Variants in TPTE observed in about 807,000 individuals in gnomAD.
The protein encoded by TPTE is putative tyrosine-protein phosphatase TPTE.
TPTE carries 59 observed loss-of-function variants against 84.1 expected under a neutral mutation model. The ratio of observed to expected loss-of-function variants is 0.70; its 90% confidence interval spans 0.57 to 0.87. The LOEUF (loss-of-function observed/expected upper bound fraction) is 0.87, where lower values mean the gene tolerates loss of function less well. Ranked by LOEUF, TPTE falls within the 40% of genes least tolerant of loss-of-function variation. The pLI, the probability that TPTE is intolerant of heterozygous loss-of-function variation, is 0.00. For missense variants in TPTE, 382 were observed against 659.6 expected, an observed-to-expected ratio of 0.58 and a Z score of 4.61; for synonymous variants, 130 against 223.5, an observed-to-expected ratio of 0.58 and a Z score of 3.73.
At chr21:10,528,981 T>TC (rs1461879539) in intron 3 of TPTE, among the ~76,000 whole-genome samples, 1 of 152,282 alleles carries the variant, frequency 6.6e-6, no homozygotes, top group Non-Finnish European at 1.5e-5. Flanking sequence ...GGTCAGGAGT[T>TC]CAAGACCAGC....
At chr21:10,521,866 G>C (rs1415719175) in intron 1 of TPTE, among the ~76,000 whole-genome samples, 172 bp downstream of exon 1, 1 of 152,280 alleles carries the variant, frequency 6.6e-6, no homozygotes, top group Non-Finnish European at 1.5e-5. Context: ...CGGAATCCGG[G>C]AGGTGTCCGC....
intron 10 of TPTE, among the ~76,000 whole-genome samples, chr21:10,565,807 C>G (rs1600912067): frequency 6.6e-6 from 1 of 152,428 alleles, no homozygotes; most frequent in South Asian, 2.1e-4. Context: ...TATACACATA[C>G]AGAAGAATGC....
At position 10,592,298 on chromosome 21, in the gene TPTE, C is replaced by A. The variant is rs557556075; in HGVS notation, c.1095C>A (p.Ser365Arg). The A allele has an allele frequency of 2.0e-5, 33 of 1,613,020 alleles. No individual in the cohort carries two copies. In the East Asian group the frequency reaches 7.4e-4, roughly 36 times the overall value. Residue 365 changes from serine (S) to arginine (R), a missense_variant, in exon 19 of 24, where the codon AGC (serine) becomes AGA (arginine). By Grantham distance (110) the Ser-to-Arg change is moderately radical. Around this residue, in one of 10 missense-constraint regions of TPTE, gnomAD observed 37 missense variants for 28.3 expected, o/e 1.31. Coordinates refer to ENST00000618007, the MANE Select transcript of TPTE (RefSeq NM_199261.4). The stretch of plus-strand genomic sequence containing the variant: ...GATTGTACCCTTTTTTGTAGGAAAG[C>A]CTGTATTATTTTGGAGAAAGGCGAA... ...ASEICSTAKE[S>R]LYYFGERRTD...
intron 14 of TPTE, among the ~76,000 whole-genome samples, chr21:10,572,004 C>CA (rs59120761): frequency 0.02 from 2,896 of 145,028 alleles, 1 homozygote; most frequent in African/African-American, 0.038. Context: ...TACCCTGTCT[C>CA]AAAAAAAAAA....
intron 1 of TPTE, among the ~76,000 whole-genome samples, chr21:10,522,989 T>G (rs2074010408): frequency 6.6e-6 from 1 of 152,308 alleles, no homozygotes; most frequent in Non-Finnish European, 1.5e-5. Flanking sequence ...TGCCCCCAAG[T>G]CCTATCAACC....
intron 17 of TPTE, among the ~76,000 whole-genome samples, chr21:10,580,388 G>T (rs917618421): frequency 6.6e-6 from 1 of 152,312 alleles, no homozygotes; most frequent in Non-Finnish European, 1.5e-5. Flanking sequence ...TTTTTCTTTC[G>T]TTGCCTATGC....
At chr21:10,554,553 AAAGTT>A (rs1259980979) in intron 8 of TPTE, among the ~76,000 whole-genome samples, 1 of 152,310 alleles carries the variant, frequency 6.6e-6, no homozygotes, top group Non-Finnish European at 1.5e-5. Context: ...TTTGGACTGA[AAAGTT>A]AAATCTATTG....
chr21:10,563,201 A>G (rs1379661590), intron 10 of TPTE, among the ~76,000 whole-genome samples: 1 of 152,310 alleles, frequency 6.6e-6, no homozygotes, highest in African/African-American at 2.4e-5. Flanking sequence ...ACTTTTCCAC[A>G]CAAAAGCTGA....
chr21:10,536,519 AAT>A (rs1200657075), intron 3 of TPTE, among the ~76,000 whole-genome samples: 1 of 152,312 alleles, frequency 6.6e-6, no homozygotes, highest in Non-Finnish European at 1.5e-5. Context: ...TATTTAAAGA[AAT>A]ATATATGCAG....
At chr21:10,538,924 C>T (rs1198824230) in intron 4 of TPTE, among the ~76,000 whole-genome samples, 190 bp downstream of exon 4, 13 of 152,298 alleles carry the variant, frequency 8.5e-5, no homozygotes, top group African/African-American at 2.7e-4. Context: ...GACAGACGGC[C>T]GGACATTTGT....
intron 10 of TPTE, among the ~76,000 whole-genome samples, chr21:10,566,345 G>A (rs1260200656): frequency 3.3e-5 from 5 of 152,304 alleles, no homozygotes; most frequent in African/African-American, 9.6e-5. Flanking sequence ...ATATCCAAAA[G>A]TCAGGCAATA....
At chr21:10,590,846 A>G (rs1439041649) in intron 18 of TPTE, among the ~76,000 whole-genome samples, 1 of 152,312 alleles carries the variant, frequency 6.6e-6, no homozygotes, top group Non-Finnish European at 1.5e-5. Flanking sequence ...AAAATCGATG[A>G]TGTATACAAT....
chr21:10,554,995 C>T (rs917892676), intron 8 of TPTE, among the ~76,000 whole-genome samples: 4 of 152,300 alleles, frequency 2.6e-5, no homozygotes, highest in Non-Finnish European at 5.9e-5. Context: ...CCAGAGTCTG[C>T]ACAAGAGAAA....
intron 2 of TPTE, among the ~76,000 whole-genome samples, chr21:10,526,006 G>T (rs1033106311): frequency 6.6e-6 from 1 of 152,378 alleles, no homozygotes; most frequent in African/African-American, 2.4e-5. Context: ...TAATAAGGCT[G>T]CTTATGTCAG....
intron 2 of TPTE, among the ~76,000 whole-genome samples, chr21:10,525,863 G>C (rs574195632): frequency 6.6e-6 from 1 of 152,304 alleles, no homozygotes; most frequent in Non-Finnish European, 1.5e-5. Context: ...TGGATGTCTC[G>C]TGCCCTTTTT....
At chr21:10,555,770 A>G (rs1298247838) in intron 8 of TPTE, among the ~76,000 whole-genome samples, 2 of 152,310 alleles carry the variant, frequency 1.3e-5, no homozygotes, top group Non-Finnish European at 2.9e-5. Context: ...TTTTGTTGAT[A>G]TGCAAGTCAG....
At chr21:10,561,523 A>G (rs1364987208) in intron 10 of TPTE, among the ~76,000 whole-genome samples, 1 of 152,298 alleles carries the variant, frequency 6.6e-6, no homozygotes, top group African/African-American at 2.4e-5. Flanking sequence ...TTTTAAAATA[A>G]TTAACGGGAG....
intron 17 of TPTE, among the ~76,000 whole-genome samples, chr21:10,589,532 C>T (rs1248538846): frequency 1.3e-5 from 2 of 152,424 alleles, no homozygotes; most frequent in Admixed American, 1.3e-4. Flanking sequence ...AAGATTCCCC[C>T]AGTGTTGTCC....
At chr21:10,577,820 T>A (rs1200364798) in intron 15 of TPTE, among the ~76,000 whole-genome samples, 1 of 152,310 alleles carries the variant, frequency 6.6e-6, no homozygotes, top group Non-Finnish European at 1.5e-5. Flanking sequence ...CTGTTTTTCT[T>A]GCCAGATTGT....
Sources: gnomAD v4.1 joint callset for allele counts (sites outside exome capture counted in the v4.1 genomes callset) on GRCh38, gnomAD v4.1.1 for gene constraint, gnomAD v4.1.1 regional missense constraint, MANE v1.5 for transcripts, NCBI Gene and HGNC (gene_info 2026-07-23, HGNC 2026-07-21) for gene names.